Variants in KRT80 observed in about 807,000 individuals in gnomAD.
KRT80 encodes the protein keratin 80.
In KRT80, 36 loss-of-function variants were observed where a neutral mutation model predicts 51.5. That is an observed-to-expected ratio of 0.70 (90% confidence interval 0.54 to 0.92). KRT80 has a LOEUF of 0.92. KRT80 is among the 40% of genes least tolerant of loss of function. KRT80 has a pLI of 0.00. For missense variants in KRT80, 566 were observed against 591.7 expected (o/e 0.96, Z 0.45); for synonymous variants, 235 against 248.3 (o/e 0.95, Z 0.50).
intron 4 of KRT80, among the ~76,000 whole-genome samples, chr12:52,180,173 C>G (rs1335796076): frequency 6.6e-6 from 1 of 152,234 alleles, no homozygotes; most frequent in Non-Finnish European, 1.5e-5. Context: ...GTTCCAGACC[C>G]CTGGGTTCCA....
intron 4 of KRT80, among the ~76,000 whole-genome samples, chr12:52,175,573 C>G (rs779031254): frequency 1.2e-4 from 19 of 152,076 alleles, no homozygotes; most frequent in Non-Finnish European, 2.1e-4. Flanking sequence ...CTGTGGGCAG[C>G]CTGTCCGGGA....
At chr12:52,174,630 A>T (rs1426085643) in intron 4 of KRT80, among the ~76,000 whole-genome samples, 1 of 152,224 alleles carries the variant, frequency 6.6e-6, no homozygotes, top group Non-Finnish European at 1.5e-5. Context: ...CTGCAGCCCC[A>T]GAGGAGGAAA....
Position 52,172,308 on chromosome 12 carries a change from C to G in KRT80, c.1068G>C (p.Lys356Asn). ...TGCGCAGCTGCCGCGCCATGTCCTG[C>G]TTGGCCTGCTGCAGGGCGGCCTCCA... ...AQLEAALQQA[K>N]QDMARQLRKY... The change falls in exon 7 of 9, where the codon AAG (lysine) becomes AAC (asparagine). Residue 356 changes from lysine to asparagine, a missense_variant. Coordinates refer to ENST00000394815, the MANE Select transcript of KRT80 (RefSeq NM_182507.3). 1 of 1,614,222 alleles carries G rather than the reference C, an allele frequency of 6.2e-7. No homozygotes were observed. Among genetic ancestry groups the G allele is most frequent in the Non-Finnish European group, 8.5e-7 (1 of 1,180,036 alleles).
rs6580862 is a variant in KRT80 at position 52,170,665 on chromosome 12, C to T, written c.*733G>A. ...GAGTTGATTATGGCAAGAGCAGCTT[C>T]CGGAGAAGCTGCTGGGAGCTGGCTG... On this transcript the variant is annotated 3_prime_UTR_variant, in exon 9 of 9. Coordinates refer to ENST00000394815, the MANE Select transcript of KRT80 (RefSeq NM_182507.3). 57,109 of 152,342 alleles carry T rather than the reference C, an allele frequency of 0.37. 11,097 individuals are homozygous for T. Among genetic ancestry groups the T allele is most frequent in the African/African-American group, 0.48 (19,791 of 41,488 alleles). 9.4% of individuals were successfully genotyped at this position (152,342 alleles called of 1,614,324 possible). A position where few individuals can be genotyped will look rare whatever the true frequency, so the allele number is the denominator to read the frequency against.
At chr12:52,185,767 A>C in intron 1 of KRT80, 180 bp from the exon 2 acceptor site, 1 of 1,325,102 alleles carries the variant, frequency 7.5e-7, no homozygotes, top group Non-Finnish European at 1.0e-6. Flanking sequence ...AAAACTGAAG[A>C]TGGTGAGATA....
chr12:52,171,660 G>A lies in KRT80; in HGVS notation c.1232C>T (p.Thr411Ile), dbSNP rs149737517. ...VVSAVQSRCK[T>I]AASRSGLSKA... ...GTTCTCGGGGCAAGAGGACTCACCGGTTTTGCACCTGGACTGCACAGCGCT... is the reference window on the plus strand; with the variant it reads ...GTTCTCGGGGCAAGAGGACTCACCGATTTTGCACCTGGACTGCACAGCGCT... The change falls in exon 8 of 9, where the codon ACC becomes ATC. Residue 411 changes from threonine (T) to isoleucine (I), a missense_variant and splice_region_variant. By Grantham distance (89) the Thr-to-Ile change is moderately conservative. Coordinates refer to ENST00000394815, the MANE Select transcript of KRT80 (RefSeq NM_182507.3). The A allele has an allele frequency of 2.3e-5, 31 of 1,340,992 alleles. No individual in the cohort carries two copies. The highest frequency in any genetic ancestry group is 1.4e-4 in the South Asian group (12 of 84,130). 83.1% of individuals were successfully genotyped at this position (1,340,992 alleles called of 1,614,324 possible). A position where few individuals can be genotyped will look rare whatever the true frequency, so the allele number is the denominator to read the frequency against.
chr12:52,188,187 G>A (rs908733150), intron 1 of KRT80, among the ~76,000 whole-genome samples: 1 of 152,164 alleles, frequency 6.6e-6, no homozygotes, highest in Non-Finnish European at 1.5e-5. Flanking sequence ...TGCCCTGAGA[G>A]GTGCCAGGTT....
chr12:52,191,103 G>A (rs559214131), intron 1 of KRT80, among the ~76,000 whole-genome samples: 1 of 152,288 alleles, frequency 6.6e-6, no homozygotes, highest in South Asian at 2.1e-4. Flanking sequence ...CCTCCTTCCA[G>A]CAGCCCCGCA....
Position 52,169,100 on chromosome 12 carries a change from C to T in KRT80, c.*2298G>A, listed in dbSNP as rs1219592711. On this transcript the variant is annotated 3_prime_UTR_variant, in exon 9 of 9. Transcript: ENST00000394815. ...TCTGGTGAGGGCCTCAGGAAGCTTA[C>T]AGTAAAGGCGGAAGGTGAAGGGGGA... 6.6e-6 allele frequency: 1 copy of T among 152,224 alleles called. No homozygotes were observed. The allele number at this position is 152,224 out of a possible 1,614,324, so 9.4% of individuals were successfully genotyped here.
At chr12:52,189,386 C>T (rs1003514914) in intron 1 of KRT80, among the ~76,000 whole-genome samples, 1 of 152,222 alleles carries the variant, frequency 6.6e-6, no homozygotes, top group Non-Finnish European at 1.5e-5. Context: ...TTTTATTTAA[C>T]AGTTATAATA....
rs779671646 is a variant in KRT80 at position 52,185,495 on chromosome 12, G to C, written c.393C>G (p.Leu131=). ...GCAGCCGGCCCTGATATTCCTCATA[G>C]AGATGCCCGAGGTCGAAGATGGCTG... is the stretch of plus-strand genomic sequence containing the variant. ...QDSAIFDLGH[L]YEEYQGRLQE... The change falls in exon 2 of 9, where the codon CTC becomes CTG. Residue 131 remains leucine, a synonymous_variant. Transcript: ENST00000394815. 3.1e-6 allele frequency: 5 copies of C among 1,613,820 alleles called. No homozygotes were observed. The South Asian group carries it at 3.3e-5, about 11-fold the overall frequency.
At chr12:52,182,046 G>C (rs1269028507) in intron 2 of KRT80, among the ~76,000 whole-genome samples, 1 of 152,192 alleles carries the variant, frequency 6.6e-6, no homozygotes, top group Admixed American at 6.5e-5. Context: ...CCCACCTGAG[G>C]AGCTGAGGGG....
rs528104697 is a variant in KRT80 at position 52,172,267 on chromosome 12, A to G, written c.1109T>C (p.Met370Thr). ...GATGTCCAGGGCCAGCTTGACGTTC[A>G]TCAGCTCCTGGTACTTGCGCAGCTG... ...ARQLRKYQEL[M>T]NVKLALDIEI... is the part of the protein sequence containing the mutation. The change falls in exon 7 of 9, where the codon ATG becomes ACG. Residue 370 changes from methionine to threonine, a missense_variant. Met to Thr is a moderately conservative substitution (Grantham distance 81). Coordinates refer to ENST00000394815, the MANE Select transcript of KRT80 (RefSeq NM_182507.3). The G allele has an allele frequency of 1.2e-6, 2 of 1,613,854 alleles. No homozygotes were observed. Among genetic ancestry groups the G allele is most frequent in the South Asian group, 2.2e-5 (2 of 91,042 alleles).
intron 1 of KRT80, among the ~76,000 whole-genome samples, chr12:52,186,548 G>A (rs1296832305): frequency 6.6e-6 from 1 of 152,206 alleles, no homozygotes; most frequent in African/African-American, 2.4e-5. Flanking sequence ...CAGAGGTGAT[G>A]GAACTTGCCC....
chr12:52,187,184 G>A (rs1361568857), intron 1 of KRT80, among the ~76,000 whole-genome samples: 1 of 152,222 alleles, frequency 6.6e-6, no homozygotes, highest in Non-Finnish European at 1.5e-5. Flanking sequence ...TTTGTCATGA[G>A]GATGTTTTGA....
intron 1 of KRT80, among the ~76,000 whole-genome samples, chr12:52,190,054 C>T (rs1392790446): frequency 1.3e-5 from 2 of 152,196 alleles, no homozygotes; most frequent in Non-Finnish European, 2.9e-5. Flanking sequence ...CTGGGCTGCT[C>T]TTAGAGGGAG....
At chr12:52,190,637 T>C (rs923983968) in intron 1 of KRT80, among the ~76,000 whole-genome samples, 1 of 152,184 alleles carries the variant, frequency 6.6e-6, no homozygotes, top group Non-Finnish European at 1.5e-5. Flanking sequence ...ATCTGTGAAA[T>C]GGACATAAAA....
rs1294822399 is a variant in KRT80, at chr12:52,191,903, G to A, written c.-1C>T. The stretch of plus-strand genomic sequence containing the variant: ...CAACCACGCAGGAGCGGCAGGCCAT[G>A]GTGCCCCCGGCCGGAAGCAGGAGGG... On this transcript the variant is annotated 5_prime_UTR_variant, in exon 1 of 9. Coordinates refer to ENST00000394815, the MANE Select transcript of KRT80 (RefSeq NM_182507.3). The A allele has an allele frequency of 1.2e-5, 17 of 1,465,904 alleles. No individual in the cohort carries two copies. The highest frequency in any genetic ancestry group is 2.8e-5 in the African/African-American group (2 of 70,582). The allele number at this position is 1,465,904 out of a possible 1,614,324, so 90.8% of individuals were successfully genotyped here. A position where few individuals can be genotyped will look rare whatever the true frequency, so the allele number is the denominator to read the frequency against.
Position 52,169,481 on chromosome 12 carries a change from G to A in KRT80, c.*1917C>T, listed in dbSNP as rs144072588. 185 of 152,726 alleles carry A rather than the reference G, an allele frequency of 1.2e-3. No individual in the cohort carries two copies. The highest frequency in any genetic ancestry group is 3.8e-3 in the African/African-American group (158 of 41,544). 9.5% of individuals were successfully genotyped at this position (152,726 alleles called of 1,614,324 possible). A position where few individuals can be genotyped will look rare whatever the true frequency, so the allele number is the denominator to read the frequency against. On this transcript the variant is annotated 3_prime_UTR_variant, in exon 9 of 9. Transcript: ENST00000394815. Reference sequence around the variant, plus strand: ...CCATGATCAGCCTGATTGACCAGTGGCTGACTGGTCCTGAGAGGGGAGATA... The same window carrying A: ...CCATGATCAGCCTGATTGACCAGTGACTGACTGGTCCTGAGAGGGGAGATA...
Sources: gnomAD v4.1 joint callset for allele counts (sites outside exome capture counted in the v4.1 genomes callset) on GRCh38, gnomAD v4.1.1 for gene constraint, MANE v1.5 for transcripts, NCBI Gene and HGNC (gene_info 2026-07-23, HGNC 2026-07-21) for gene names.